Variants in CDH23 observed in about 807,000 individuals in gnomAD.
The protein encoded by CDH23 is cadherin related 23.
CDH23 carries 189 observed loss-of-function variants against 317.1 expected under a neutral mutation model. The ratio of observed to expected loss-of-function variants is 0.60; its 90% CI spans 0.53 to 0.67. The LOEUF is 0.67. Among genes scored for constraint, CDH23 ranks in the 30% least tolerant of loss-of-function variants. The pLI is 0.00. For synonymous variants in CDH23, 1,839 were observed against 1,876.8 expected, an observed-to-expected ratio of 0.98 and a Z score of 0.52; for missense variants, 4,401 against 4,592.4, an observed-to-expected ratio of 0.96 and a Z score of 1.20.
chr10:71,752,082 G>T (rs1316169470), intron 38 of CDH23: 1 of 692,566 alleles, frequency 1.4e-6, no homozygotes, highest in Admixed American at 2.0e-5. Flanking sequence ...GGGCCCACCA[G>T]AACAGACCCC....
intron 9 of CDH23, among the ~76,000 whole-genome samples, chr10:71,582,240 G>A (rs1271778058): frequency 1.3e-5 from 2 of 152,144 alleles, no homozygotes; most frequent in Non-Finnish European, 2.9e-5. Flanking sequence ...TAGCTGTGCC[G>A]GCCAGTGCAT....
chr10:71,757,505 C>G (rs1840179285), intron 38 of CDH23: 1 of 152,432 alleles, frequency 6.6e-6, no homozygotes, highest in South Asian at 2.1e-4. Context: ...CGCCACAGTT[C>G]CCCACCCCTT....
intron 2 of CDH23, among the ~76,000 whole-genome samples, chr10:71,446,045 CCT>C (rs1850148516): frequency 6.6e-6 from 1 of 152,104 alleles, no homozygotes; most frequent in Non-Finnish European, 1.5e-5. Flanking sequence ...CTGAGGAGCC[CCT>C]GTCATGTGCT....
intron 38 of CDH23, chr10:71,773,544 G>A (rs1361756603): frequency 8.5e-7 from 1 of 1,170,126 alleles, no homozygotes; most frequent in Non-Finnish European, 1.2e-6. Context: ...TGAGCGCTGC[G>A]GGCGGCCCCA....
intron 11 of CDH23, chr10:71,617,667 AG>A: frequency 2.2e-6 from 1 of 455,038 alleles, no homozygotes; most frequent in African/African-American, 2.1e-5. Context: ...CTAATCTAGT[AG>A]GGATATTGTA....
At chr10:71,637,480 G>A (rs187533245) in intron 11 of CDH23, among the ~76,000 whole-genome samples, 70 of 152,276 alleles carry the variant, frequency 4.6e-4, no homozygotes, top group African/African-American at 1.6e-3. Context: ...TATCAAATAG[G>A]CTGCATTCTT....
At position 71,739,776 on chromosome 10, in the gene CDH23, G is replaced by T; in HGVS notation, c.4488+4G>T. 6.2e-7 allele frequency: 1 copy of T among 1,607,352 alleles called. No individual in the cohort carries two copies. The highest frequency in any genetic ancestry group is 1.1e-5 in the South Asian group (1 of 90,804). ...GCTGGATCACTACATCCTCCAGGTG[G>T]GGCCTGGCCTCCCTTGGACTGAGAG... On this transcript the variant is annotated splice_donor_region_variant and intron_variant, in intron 36 of 69. Transcript: ENST00000224721.
At chr10:71,767,908 C>T (rs558874971) in intron 38 of CDH23, among the ~76,000 whole-genome samples, 1 of 152,316 alleles carries the variant, frequency 6.6e-6, no homozygotes, top group Admixed American at 6.5e-5. Context: ...TGGAGGCTAG[C>T]ATGCCTCCCC....
At chr10:71,489,714 C>G (rs1215246519) in intron 3 of CDH23, among the ~76,000 whole-genome samples, 1 of 151,352 alleles carries the variant, frequency 6.6e-6, no homozygotes, top group Non-Finnish European at 1.5e-5. Context: ...AGAGTTCCTC[C>G]AGAGGGAATT....
At chr10:71,756,122 A>G (rs1840139852) in intron 38 of CDH23, among the ~76,000 whole-genome samples, 2 of 152,122 alleles carry the variant, frequency 1.3e-5, no homozygotes, top group African/African-American at 4.8e-5. Context: ...TCCTTGTACA[A>G]TGTTTTTCAA....
rs1288415459 is a variant in CDH23 at position 71,791,299 on chromosome 10, A to G, written c.6217A>G (p.Thr2073Ala). 3.1e-6 allele frequency: 5 copies of G among 1,613,608 alleles called. No homozygotes were observed. Among genetic ancestry groups the G allele is most frequent in the Non-Finnish European group, 4.2e-6 (5 of 1,179,834 alleles). ...NDNRPTFSPA[T>A]LTVHLLENCP... ...CAACCGGCCCACCTTTAGCCCTGCC[A>G]CCCTCACTGTCCATCTGCTAGAGAA... The change falls in exon 47 of 70, where the codon ACC becomes GCC. Residue 2073 changes from threonine (T) to alanine (A), a missense_variant. Thr to Ala is a moderately conservative substitution (Grantham distance 58). This residue lies in a region of CDH23 where 3,068 missense variants were observed against 3,203.3 expected (regional missense o/e 0.96). Coordinates refer to ENST00000224721, the MANE Select transcript of CDH23 (RefSeq NM_022124.6).
intron 14 of CDH23, among the ~76,000 whole-genome samples, chr10:71,648,760 T>C (rs1302014597): frequency 1.3e-5 from 2 of 152,160 alleles, no homozygotes; most frequent in African/African-American, 2.4e-5. Context: ...CAGCCTCCTC[T>C]GTGAGTCGCT....
rs116015495 is a variant in CDH23 at position 71,758,263 on chromosome 10, C to T, written c.4845+16342C>T. 2.9e-3 allele frequency among the ~76,000 whole-genome samples: 443 copies of T among 152,252 alleles called. 5 individuals carry two copies. In the Middle Eastern group the frequency reaches 0.048, roughly 16 times the overall value. On this transcript the variant is annotated intron_variant, in intron 38 of 69. Transcript: ENST00000224721. ...GCCTTTGAGTTGGGTTTTGTTGGGT[C>T]CGTGGTTTAGCTGATCCCCATTCCG...
At chr10:71,590,037 C>A (rs1226197756) in intron 9 of CDH23, among the ~76,000 whole-genome samples, 1 of 152,206 alleles carries the variant, frequency 6.6e-6, no homozygotes, top group Non-Finnish European at 1.5e-5. Context: ...GCTGTAAGCC[C>A]ATTTTTCTCC....
In CDH23 at chr10:71,669,746, C is replaced by A. The variant is rs556672988; in HGVS notation, c.1450-5366C>A. 6.2e-4 allele frequency among the ~76,000 whole-genome samples: 94 copies of A among 152,174 alleles called. 1 individual carries two copies. Among genetic ancestry groups the A allele is most frequent in the Middle Eastern group, 3.4e-3 (1 of 290 alleles). On this transcript the variant is annotated intron_variant, in intron 14 of 69. Transcript: ENST00000224721. ...TACAAGCGTGAGCCACCGTGCCTGG[C>A]CTCCCCATTCTGATTTTAAGTGGCA...
intron 55 of CDH23, among the ~76,000 whole-genome samples, chr10:71,803,815 C>CA (rs59916449): frequency 0.022 from 1,536 of 70,976 alleles, 20 homozygotes; most frequent in African/African-American, 0.052. Flanking sequence ...ACTAAAAATG[C>CA]AAAAAAAAAA....
intron 9 of CDH23, among the ~76,000 whole-genome samples, chr10:71,595,125 C>T (rs1180081402): frequency 9.2e-5 from 14 of 152,168 alleles, no homozygotes. Flanking sequence ...TGAGGCATTG[C>T]ACAGCAGTGC....
chr10:71,484,775 TGTTGA>T (rs1326812019), intron 3 of CDH23, among the ~76,000 whole-genome samples: 1 of 152,230 alleles, frequency 6.6e-6, no homozygotes. Context: ...ATATACATTC[TGTTGA>T]GTTAAGGATG....
intron 57 of CDH23, among the ~76,000 whole-genome samples, 179 bp downstream of exon 57, chr10:71,806,460 G>C (rs1841726991): frequency 6.6e-6 from 1 of 151,036 alleles, no homozygotes; most frequent in Admixed American, 6.6e-5. Flanking sequence ...ACTATATTGA[G>C]CTATATTGAG....
Sources: gnomAD v4.1 joint callset for allele counts (sites outside exome capture counted in the v4.1 genomes callset) on GRCh38, gnomAD v4.1.1 for gene constraint, gnomAD v4.1.1 regional missense constraint, MANE v1.5 for transcripts, NCBI Gene and HGNC (gene_info 2026-07-23, HGNC 2026-07-21) for gene names.